The following KLF13 variants were observed in gnomAD, a reference collection of about 807,000 sequenced individuals.
KLF13 encodes the protein KLF transcription factor 13, also known as Krueppel-like factor 13.
KLF13 carries 8 observed loss-of-function variants against 16.7 expected under a neutral mutation model. The ratio of observed to expected loss-of-function variants is 0.48; its 90% CI spans 0.28 to 0.87. The LOEUF is 0.87. Ranked by LOEUF, KLF13 falls within the 40% of genes least tolerant of loss-of-function variation. The probability of loss-of-function intolerance (pLI) is 0.10; values close to 1 mark genes in which losing one functional copy is unlikely to be tolerated. For missense variants in KLF13, 447 were observed against 452.2 expected (o/e 0.99, Z 0.10); for synonymous variants, 245 against 208.4 (o/e 1.18, Z -1.51).
chr15:31,367,329 C>T (rs777852102), intron 1 of KLF13, among the ~76,000 whole-genome samples: 8 of 152,180 alleles, frequency 5.3e-5, no homozygotes, highest in African/African-American at 9.7e-5. Flanking sequence ...CCGTGGGGGC[C>T]GCGTCTGCCT....
chr15:31,327,781 C>G lies in KLF13; in HGVS notation c.569C>G (p.Thr190Ser), dbSNP rs1432379745. The G allele has an allele frequency of 3.9e-6, 6 of 1,527,078 alleles. No individual in the cohort carries two copies. The highest frequency in any genetic ancestry group is 5.3e-6 in the Non-Finnish European group (6 of 1,132,534). 94.6% of individuals were successfully genotyped at this position (1,527,078 alleles called of 1,614,324 possible). A position where few individuals can be genotyped will look rare whatever the true frequency, so the allele number is the denominator to read the frequency against. ...KSSHLKAHLRTHTGERPFACS... is the reference protein window; with the variant it reads ...KSSHLKAHLRSHTGERPFACS... Reference sequence around the variant, plus strand: ...TCGCACCTCAAGGCGCACCTGAGAACTCACACAGGTCAGTGGGGCGGCGCG... The same window carrying G: ...TCGCACCTCAAGGCGCACCTGAGAAGTCACACAGGTCAGTGGGGCGGCGCG... Residue 190 changes from threonine to serine, a missense_variant, in exon 1 of 2, where the codon ACT becomes AGT. Thr to Ser is a moderately conservative substitution (Grantham distance 58). This residue lies in a region of KLF13 where 88 missense variants were observed against 169.5 expected (regional missense o/e 0.52). Transcript: ENST00000307145.
intron 1 of KLF13, among the ~76,000 whole-genome samples, chr15:31,351,390 T>A (rs182531193): frequency 6.6e-6 from 1 of 152,288 alleles, no homozygotes; most frequent in Admixed American, 6.5e-5. Context: ...TCCATACAAG[T>A]CATTTTCTGT....
intron 1 of KLF13, among the ~76,000 whole-genome samples, chr15:31,330,313 G>A (rs60450596): frequency 0.057 from 8,678 of 152,182 alleles, 837 homozygotes; most frequent in African/African-American, 0.2. Context: ...GCCGGGCCCC[G>A]TACTCCATTA....
chr15:31,400,407 G>T (rs2040017765), intron 2 of KLF13, among the ~76,000 whole-genome samples: 1 of 151,624 alleles, frequency 6.6e-6, no homozygotes, highest in South Asian at 2.1e-4. Context: ...TAATTAGGTT[G>T]CTCAGAGAGG....
upstream of KLF13, among the ~76,000 whole-genome samples, chr15:31,392,345 C>A (rs2039883329): frequency 6.6e-6 from 1 of 152,218 alleles, no homozygotes; most frequent in Admixed American, 6.5e-5. Context: ...CTGGGGTAGA[C>A]GCCACCTCTT....
chr15:31,344,280 T>C (rs2039077580), intron 1 of KLF13, among the ~76,000 whole-genome samples: 1 of 152,206 alleles, frequency 6.6e-6, no homozygotes, highest in Admixed American at 6.5e-5. Flanking sequence ...ACCTAGGCTT[T>C]CCCCTCTTTG....
In KLF13 at chr15:31,327,104, A is replaced by G; in HGVS notation, c.-109A>G. The G allele has an allele frequency of 1.7e-5, 9 of 526,678 alleles. No individual in the cohort carries two copies. The highest frequency in any genetic ancestry group is 7.9e-4 in the Middle Eastern group (1 of 1,258). The allele number at this position is 526,678 out of a possible 1,614,324, so 32.6% of individuals were successfully genotyped here. On this transcript the variant is annotated 5_prime_UTR_variant, in exon 1 of 2. Coordinates refer to ENST00000307145, the MANE Select transcript of KLF13 (RefSeq NM_015995.4). The stretch of plus-strand genomic sequence containing the variant: ...CAGCCCAGCCCAGCCCAGCCCGAGG[A>G]GAGGGCGCGCCGCGCCCCCGCCCCC...
intron 2 of KLF13, among the ~76,000 whole-genome samples, chr15:31,400,150 TC>T (rs2040013811): frequency 1.3e-5 from 2 of 152,168 alleles, no homozygotes; most frequent in Admixed American, 1.3e-4. Context: ...CCACCCCCAC[TC>T]TGCTCTCCCT....
intron 1 of KLF13, among the ~76,000 whole-genome samples, chr15:31,364,988 T>C (rs2039443688): frequency 6.6e-6 from 1 of 152,234 alleles, no homozygotes; most frequent in African/African-American, 2.4e-5. Flanking sequence ...CAGCAGTTGA[T>C]CAGCCCCTGT....
intron 1 of KLF13, among the ~76,000 whole-genome samples, chr15:31,356,929 C>G (rs765733709): frequency 1.3e-5 from 2 of 152,166 alleles, no homozygotes; most frequent in Admixed American, 6.5e-5. Flanking sequence ...ACATTCTTGC[C>G]ACTTTCTTCA....
rs2039650998 is a variant in KLF13 at position 31,376,637 on chromosome 15, A to G, written c.*4338A>G. On this transcript the variant is annotated 3_prime_UTR_variant, in exon 2 of 2. Transcript: ENST00000307145. ...GACACATTCCGGAGACCTTTGTACC[A>G]GAACTTGGATGCATAGTCCACCTTA... 6.6e-6 allele frequency: 1 copy of G among 152,658 alleles called. No homozygotes were observed. The highest frequency in any genetic ancestry group is 2.1e-4 in the South Asian group (1 of 4,838). 9.5% of individuals were successfully genotyped at this position (152,658 alleles called of 1,614,324 possible). A position where few individuals can be genotyped will look rare whatever the true frequency, so the allele number is the denominator to read the frequency against.
intron 1 of KLF13, among the ~76,000 whole-genome samples, chr15:31,358,018 T>C (rs900916597): frequency 5.9e-5 from 9 of 152,212 alleles, no homozygotes; most frequent in Admixed American, 3.3e-4. Flanking sequence ...ACCTGCCAGC[T>C]TTATCCAGAG....
At chr15:31,410,623 ACACC>A (rs1339408759) in intron 1 of KLF13, among the ~76,000 whole-genome samples, 1 of 142,008 alleles carries the variant, frequency 7.0e-6, no homozygotes, top group African/African-American at 2.6e-5. Flanking sequence ...ACACACACAC[ACACC>A]CCTATAACAT....
chr15:31,329,103 G>A (rs994255410), intron 1 of KLF13, among the ~76,000 whole-genome samples: 3 of 152,114 alleles, frequency 2.0e-5, no homozygotes, highest in African/African-American at 7.2e-5. Context: ...TCCCCAGGGA[G>A]GCTTTTGTGG....
Position 31,413,218 on chromosome 15 carries a change from C to A in KLF13, n.117+19527C>A, listed in dbSNP as rs375642702. On this transcript the variant is annotated intron_variant and non_coding_transcript_variant, in intron 1 of 1. Coordinates refer to the KLF13 transcript ENST00000558225. ...AAAAAAAAAACAAAAAACAAAAAAACCAGCCTCAGAGATATGCGGGACACC... is the reference window on the plus strand; with the variant it reads ...AAAAAAAAAACAAAAAACAAAAAAAACAGCCTCAGAGATATGCGGGACACC... 9.1e-4 allele frequency among the ~76,000 whole-genome samples: 108 copies of A among 118,130 alleles called. 1 individual carries two copies. In the East Asian group the frequency reaches 0.011, roughly 12 times the overall value. The allele number at this position is 118,130 out of a possible 152,430, so 77.5% of individuals were successfully genotyped here.
chr15:31,423,106 C>CATATACGTATAT (rs2040351503), intron 1 of KLF13, among the ~76,000 whole-genome samples: 1 of 54,148 alleles, frequency 1.8e-5, no homozygotes, highest in Admixed American at 1.6e-4. Flanking sequence ...TATACGTATA[C>CATATACGTATAT]GTATACGTAT....
chr15:31,372,259 A>G lies in KLF13; in HGVS notation c.827A>G (p.Asp276Gly). 3 of 1,535,474 alleles carry G rather than the reference A, an allele frequency of 2.0e-6. No homozygotes were observed. Among genetic ancestry groups the G allele is most frequent in the Non-Finnish European group, 2.6e-6 (3 of 1,145,978 alleles). ...TCCCTCAGCGACTACAGCCGCTCCG[A>G]CGCCAGCAGCCCCACCATCAGCCCG... ...TGSLSDYSRS[D>G]ASSPTISPAS... Residue 276 changes from aspartate (D) to glycine (G), a missense_variant, in exon 2 of 2, where the codon GAC becomes GGC. By Grantham distance (94) the Asp-to-Gly change is moderately conservative. Transcript: ENST00000307145.
chr15:31,399,648 G>A (rs1329027097), intron 2 of KLF13, among the ~76,000 whole-genome samples: 4 of 152,242 alleles, frequency 2.6e-5, no homozygotes, highest in South Asian at 4.1e-4. Context: ...CCTCCGCCTC[G>A]TGGCTGGGTG....
intron 1 of KLF13, among the ~76,000 whole-genome samples, chr15:31,422,136 A>C (rs78589473): frequency 3.9e-4 from 6 of 15,190 alleles, no homozygotes; most frequent in Non-Finnish European, 6.7e-4. Flanking sequence ...AACAAACAAA[A>C]AAAAAAAAAA....
Sources: gnomAD v4.1 joint callset for allele counts (sites outside exome capture counted in the v4.1 genomes callset) on GRCh38, gnomAD v4.1.1 for gene constraint, gnomAD v4.1.1 regional missense constraint, MANE v1.5 for transcripts, NCBI Gene and HGNC (gene_info 2026-07-23, HGNC 2026-07-21) for gene names.